Variants in FSIP1 observed in about 807,000 individuals in gnomAD.
The protein encoded by FSIP1 is fibrous sheath interacting protein 1.
FSIP1 carries 65 observed loss-of-function variants against 60.9 expected under a neutral mutation model. The ratio of observed to expected loss-of-function variants is 1.07; its 90% CI spans 0.87 to 1.31. FSIP1 has a LOEUF of 1.31. FSIP1 is among the 40% of genes most tolerant of loss of function. The probability of loss-of-function intolerance (pLI) is 0.00; values close to 1 mark genes in which losing one functional copy is unlikely to be tolerated. For missense variants in FSIP1, 675 were observed against 665.5 expected (o/e 1.01, Z -0.16); for synonymous variants, 209 against 221.2 (o/e 0.94, Z 0.49).
Position 39,763,131 on chromosome 15 carries a change from T to A in FSIP1, c.559+690A>T, listed in dbSNP as rs1057069503. On this transcript the variant is annotated intron_variant, in intron 5 of 11. Coordinates refer to ENST00000350221, the MANE Select transcript of FSIP1 (RefSeq NM_152597.5). ...TTTTTGTTTAACCAATATTTTCTTA[T>A]ATAGATTATACATGTGTTACCTCCG... Among the ~76,000 whole-genome samples, 3 of 152,204 alleles carry A rather than the reference T, an allele frequency of 2.0e-5. No homozygotes were observed. In the East Asian group the frequency reaches 5.8e-4, roughly 29 times the overall value.
Position 39,714,972 on chromosome 15 carries a change from CAAAAAAAAA to C in FSIP1, c.1051-1400_1051-1392del, listed in dbSNP as rs34491210. On this transcript the variant is annotated intron_variant, in intron 9 of 11. Coordinates refer to ENST00000350221, the MANE Select transcript of FSIP1 (RefSeq NM_152597.5). ...TGGGCAACAGAATGAGACTCTGTCT[CAAAAAAAAA>C]AAAAAAAAAAAGGACTAAGGACTAA... is the stretch of plus-strand genomic sequence containing the variant. Among the ~76,000 whole-genome samples, 95 of 89,574 alleles carry C rather than the reference CAAAAAAAAA, an allele frequency of 1.1e-3. 1 individual carries two copies. The highest frequency in any genetic ancestry group is 6.3e-3 in the Admixed American group (47 of 7,414). 58.8% of individuals were successfully genotyped at this position (89,574 alleles called of 152,430 possible). A position where few individuals can be genotyped will look rare whatever the true frequency, so the allele number is the denominator to read the frequency against.
intron 8 of FSIP1, among the ~76,000 whole-genome samples, chr15:39,728,737 C>T (rs1230233288): frequency 6.6e-6 from 1 of 152,016 alleles, no homozygotes; most frequent in African/African-American, 2.4e-5. Context: ...CAAAAGCAAT[C>T]GCAACAAAAA....
intron 3 of FSIP1, among the ~76,000 whole-genome samples, chr15:39,766,033 G>A (rs533941711): frequency 9.3e-4 from 142 of 152,248 alleles, no homozygotes; most frequent in South Asian, 2.3e-3. Context: ...AGTGATCCTC[G>A]TGATTTTAAA....
intron 10 of FSIP1, among the ~76,000 whole-genome samples, chr15:39,653,060 C>T (rs1478652178): frequency 6.6e-6 from 1 of 151,482 alleles, no homozygotes; most frequent in East Asian, 1.9e-4. Context: ...CCTGTAGTCC[C>T]AGCTACTTGG....
At chr15:39,650,562 A>G (rs1332545272) in intron 10 of FSIP1, among the ~76,000 whole-genome samples, 1 of 152,202 alleles carries the variant, frequency 6.6e-6, no homozygotes, top group African/African-American at 2.4e-5. Context: ...AAGCAGTACA[A>G]TCAATGGATC....
chr15:39,769,008 G>A lies in FSIP1; in HGVS notation c.310+1419C>T, dbSNP rs981484052. ...TAAGAAAAGTCTAAGGGCCGGGCGCGGTGGCTCACGCCTGTAATCCCAGCA... is the reference window on the plus strand; with the variant it reads ...TAAGAAAAGTCTAAGGGCCGGGCGCAGTGGCTCACGCCTGTAATCCCAGCA... On this transcript the variant is annotated intron_variant, in intron 3 of 11. Transcript: ENST00000350221. 4.6e-5 allele frequency among the ~76,000 whole-genome samples: 7 copies of A among 152,270 alleles called. No homozygotes were observed. The South Asian group carries it at 1.0e-3, about 23-fold the overall frequency.
At chr15:39,705,778 A>T (rs1373082083) in intron 10 of FSIP1, among the ~76,000 whole-genome samples, 1 of 152,110 alleles carries the variant, frequency 6.6e-6, no homozygotes, top group Non-Finnish European at 1.5e-5. Flanking sequence ...CAAGCAGATC[A>T]CTTGAGGTCA....
chr15:39,652,294 T>A (rs1181552172), intron 10 of FSIP1, among the ~76,000 whole-genome samples: 2 of 152,258 alleles, frequency 1.3e-5, no homozygotes, highest in Non-Finnish European at 2.9e-5. Flanking sequence ...CAACTTCAAC[T>A]CATTTACTTA....
chr15:39,602,338 T>C, intron 11 of FSIP1: 1 of 456,370 alleles, frequency 2.2e-6, no homozygotes, highest in Non-Finnish European at 4.4e-6. Flanking sequence ...GTTCTAGCGT[T>C]CTCTCCTAGG....
downstream of FSIP1, among the ~76,000 whole-genome samples, chr15:39,599,727 G>A (rs1890574909): frequency 6.6e-6 from 1 of 152,156 alleles, no homozygotes; most frequent in Non-Finnish European, 1.5e-5. Flanking sequence ...AACACAGAGT[G>A]TGCCTCATGG....
chr15:39,726,852 A>AACACACACACACAC lies in FSIP1; in HGVS notation c.892-119_892-106dup, dbSNP rs3065147. On this transcript the variant is annotated intron_variant, in intron 8 of 11. Transcript: ENST00000350221. ...GCCCAGGTCTTCACATACACACACA[A>AACACACACACACAC]ACACACACACACACACACACAACAC... 5.1e-3 allele frequency: 3,150 copies of AACACACACACACAC among 622,310 alleles called. 36 individuals carry two copies. Among genetic ancestry groups the AACACACACACACAC allele is most frequent in the African/African-American group, 0.042 (2,236 of 53,268 alleles). The allele number at this position is 622,310 out of a possible 1,614,324, so 38.5% of individuals were successfully genotyped here.
chr15:39,610,467 G>A (rs1225919295), intron 11 of FSIP1, among the ~76,000 whole-genome samples: 1 of 152,096 alleles, frequency 6.6e-6, no homozygotes, highest in Non-Finnish European at 1.5e-5. Flanking sequence ...AGATCACGAT[G>A]TCAGCCTGGC....
At chr15:39,693,105 A>C (rs1894670919) in intron 10 of FSIP1, among the ~76,000 whole-genome samples, 1 of 152,214 alleles carries the variant, frequency 6.6e-6, no homozygotes, top group South Asian at 2.1e-4. Flanking sequence ...CTGACTAAGA[A>C]ATTTCTTTTA....
At chr15:39,751,326 T>C (rs771044811) in intron 5 of FSIP1, among the ~76,000 whole-genome samples, 4 of 151,858 alleles carry the variant, frequency 2.6e-5, no homozygotes, top group Non-Finnish European at 4.4e-5. Context: ...TGCACTCCCA[T>C]GTTTATTGCT....
At chr15:39,658,422 G>T (rs1025718155) in intron 10 of FSIP1, among the ~76,000 whole-genome samples, 3 of 151,914 alleles carry the variant, frequency 2.0e-5, no homozygotes, top group African/African-American at 7.3e-5. Context: ...GCTAATTTTT[G>T]TATTTTTAGC....
At chr15:39,737,043 C>T (rs1443826989) in intron 8 of FSIP1, among the ~76,000 whole-genome samples, 1 of 152,056 alleles carries the variant, frequency 6.6e-6, no homozygotes, top group Non-Finnish European at 1.5e-5. Flanking sequence ...GGGATATGGG[C>T]AGGGGGCCAG....
chr15:39,616,579 G>A (rs1169249228), intron 11 of FSIP1, among the ~76,000 whole-genome samples: 1 of 152,180 alleles, frequency 6.6e-6, no homozygotes, highest in Non-Finnish European at 1.5e-5. Flanking sequence ...CAGAAGCTAG[G>A]AAATCACCGA....
At chr15:39,639,312 G>C (rs1456419774) in intron 10 of FSIP1, among the ~76,000 whole-genome samples, 1 of 152,150 alleles carries the variant, frequency 6.6e-6, no homozygotes, top group African/African-American at 2.4e-5. Context: ...TTGTTCCTCT[G>C]ACTACCTTTT....
At chr15:39,755,567 C>T (rs1280796033) in intron 5 of FSIP1, among the ~76,000 whole-genome samples, 1 of 152,084 alleles carries the variant, frequency 6.6e-6, no homozygotes, top group Non-Finnish European at 1.5e-5. Flanking sequence ...AACCAAAATC[C>T]TTGCCTGTGT....
Sources: allele counts gnomAD v4.1 joint callset (sites outside exome capture counted in the v4.1 genomes callset), GRCh38; gene constraint gnomAD v4.1.1; transcripts MANE v1.5; gene names NCBI Gene and HGNC (gene_info 2026-07-23, HGNC 2026-07-21).